The following UBE2E3 variants were observed in gnomAD, a reference collection of about 807,000 sequenced individuals.
The protein encoded by UBE2E3 is ubiquitin-conjugating enzyme E2 E3.
Under a neutral mutation model 23.6 loss-of-function variants are expected in UBE2E3, and 5 were observed. The ratio of observed to expected loss-of-function variants is 0.21; its 90% CI spans 0.11 to 0.44. The LOEUF is 0.44. Ranked by LOEUF, UBE2E3 falls within the 20% of genes least tolerant of loss-of-function variation. UBE2E3 has a pLI of 0.99. For synonymous variants in UBE2E3, 78 were observed against 87.5 expected (o/e 0.89, Z 0.60); for missense variants, 81 against 249.8 (o/e 0.32, Z 4.55).
intron 3 of UBE2E3, among the ~76,000 whole-genome samples, chr2:181,024,131 A>C (rs925874762): frequency 6.6e-6 from 1 of 152,104 alleles, no homozygotes; most frequent in Admixed American, 6.6e-5. Context: ...GAGTGAGCCA[A>C]AAGTTCATAT....
rs74899800 is a variant in UBE2E3, at chr2:180,997,521, C to T, written c.245+13428C>T. ...ATGTATGTGATATATATTCTTTTTT[C>T]ACCCTTGTGTTGTTTATCCCTTCTC... On this transcript the variant is annotated intron_variant, in intron 3 of 5. Transcript: ENST00000410062. 8.5e-3 allele frequency among the ~76,000 whole-genome samples: 1,286 copies of T among 151,968 alleles called. 20 individuals carry two copies. Among genetic ancestry groups the T allele is most frequent in the African/African-American group, 0.029 (1,221 of 41,474 alleles).
At chr2:181,015,412 A>G (rs1047936665) in intron 3 of UBE2E3, among the ~76,000 whole-genome samples, 1 of 152,132 alleles carries the variant, frequency 6.6e-6, no homozygotes, top group African/African-American at 2.4e-5. Context: ...GTGTTTACTG[A>G]GACAAAGTAG....
intron 3 of UBE2E3, among the ~76,000 whole-genome samples, chr2:181,003,788 A>G (rs376263138): frequency 6.6e-6 from 1 of 152,322 alleles, no homozygotes; most frequent in African/African-American, 2.4e-5. Context: ...GCAGCTATAC[A>G]TGCCCATTTG....
intron 5 of UBE2E3, 53 bp downstream of exon 5, chr2:181,060,865 T>A: frequency 1.5e-5 from 5 of 342,410 alleles, no homozygotes; most frequent in East Asian, 9.6e-5. Context: ...CGAGTGCTTT[T>A]TTTTTTTTTT....
intron 3 of UBE2E3, among the ~76,000 whole-genome samples, chr2:181,056,193 C>T (rs1686984265): frequency 6.6e-6 from 1 of 151,258 alleles, no homozygotes; most frequent in African/African-American, 2.4e-5. Context: ...TAATTAAAGT[C>T]AGTAATGACT....
At chr2:181,056,973 C>T (rs771307288) in intron 3 of UBE2E3, among the ~76,000 whole-genome samples, 1 of 151,554 alleles carries the variant, frequency 6.6e-6, no homozygotes, top group Non-Finnish European at 1.5e-5. Context: ...GCCAGAAATG[C>T]GTTACATGAA....
intron 3 of UBE2E3, among the ~76,000 whole-genome samples, chr2:180,984,742 T>G (rs1684400655): frequency 6.6e-6 from 1 of 152,210 alleles, no homozygotes; most frequent in Non-Finnish European, 1.5e-5. Flanking sequence ...TTCATTTTAG[T>G]GGAACTCAGG....
At chr2:181,030,047 T>G (rs962032901) in intron 3 of UBE2E3, among the ~76,000 whole-genome samples, 8 of 152,086 alleles carry the variant, frequency 5.3e-5, no homozygotes, top group African/African-American at 1.7e-4. Flanking sequence ...TTGGCCAGGA[T>G]TTTCTTGATT....
chr2:181,039,118 G>A (rs1255295081), intron 3 of UBE2E3, among the ~76,000 whole-genome samples: 1 of 128,224 alleles, frequency 7.8e-6, no homozygotes, highest in Non-Finnish European at 1.6e-5. Flanking sequence ...ACCTCAGAAT[G>A]TGACCTTTTT....
rs1684727688 is a variant in UBE2E3, at chr2:180,993,353, T to G, written c.245+9260T>G. On this transcript the variant is annotated intron_variant, in intron 3 of 5. Transcript: ENST00000410062. ...TGTAGTCTGCCTTTTTTGGAAGCTT[T>G]TGGACTAGTTATGCCATTCCAAAGT... is the stretch of plus-strand genomic sequence containing the variant. Among the ~76,000 whole-genome samples the G allele has an allele frequency of 2.0e-5, 3 of 152,128 alleles. No individual in the cohort carries two copies. In the South Asian group the frequency reaches 6.2e-4, roughly 32 times the overall value.
chr2:181,047,763 T>A (rs1444233086), intron 3 of UBE2E3, among the ~76,000 whole-genome samples: 1 of 152,110 alleles, frequency 6.6e-6, no homozygotes, highest in African/African-American at 2.4e-5. Context: ...CCTCCGGGCC[T>A]CCTCCAGACC....
chr2:181,061,036 A>G (rs997443046), intron 5 of UBE2E3, among the ~76,000 whole-genome samples: 7 of 150,562 alleles, frequency 4.6e-5, no homozygotes, highest in Admixed American at 2.0e-4. Context: ...ATGGCATACC[A>G]CTCTATAATT....
At chr2:181,019,559 G>T (rs1685607782) in intron 3 of UBE2E3, among the ~76,000 whole-genome samples, 1 of 152,172 alleles carries the variant, frequency 6.6e-6, no homozygotes, top group South Asian at 2.1e-4. Context: ...AAACTCAGGA[G>T]ATGGGAGCTT....
At chr2:181,027,653 AG>A (rs753441328) in intron 3 of UBE2E3, among the ~76,000 whole-genome samples, 41 of 152,058 alleles carry the variant, frequency 2.7e-4, no homozygotes, top group Non-Finnish European at 5.3e-4. Context: ...AGAGTGCTGC[AG>A]CATGTTGTGT....
intron 1 of UBE2E3, 87 bp from the exon 2 acceptor site, chr2:180,981,931 C>G (rs757151470): frequency 6.5e-5 from 64 of 991,370 alleles, no homozygotes; most frequent in Non-Finnish European, 9.0e-5. Context: ...CATTACAAGA[C>G]GATTTTAGAT....
chr2:180,994,193 TTTC>T, intron 3 of UBE2E3, among the ~76,000 whole-genome samples: 1 of 152,200 alleles, frequency 6.6e-6, no homozygotes, highest in Admixed American at 6.5e-5. Context: ...AAATACTCAT[TTTC>T]TTCTTTTGAA....
At chr2:181,042,185 G>C (rs1278422853) in intron 3 of UBE2E3, among the ~76,000 whole-genome samples, 2 of 152,174 alleles carry the variant, frequency 1.3e-5, no homozygotes, top group Non-Finnish European at 2.9e-5. Flanking sequence ...AAGCTTTCCA[G>C]ATGTTTGAAA....
At chr2:180,982,861 T>C (rs987484287) in intron 2 of UBE2E3, among the ~76,000 whole-genome samples, 2 of 152,218 alleles carry the variant, frequency 1.3e-5, no homozygotes, top group Non-Finnish European at 2.9e-5. Flanking sequence ...ATTTGAGGTG[T>C]CACTAGTGAT....
intron 3 of UBE2E3, among the ~76,000 whole-genome samples, chr2:181,043,765 T>TA (rs1686587065): frequency 2.6e-5 from 4 of 152,174 alleles, no homozygotes; most frequent in African/African-American, 9.6e-5. Flanking sequence ...CACAATATGA[T>TA]TACTGGTGTG....
Sources: gnomAD v4.1 joint callset for allele counts (sites outside exome capture counted in the v4.1 genomes callset) on GRCh38, gnomAD v4.1.1 for gene constraint, MANE v1.5 for transcripts, NCBI Gene and HGNC (gene_info 2026-07-23, HGNC 2026-07-21) for gene names.